FAAH2: variants seen among roughly 807,000 people sequenced by gnomAD.
FAAH2 encodes the protein fatty-acid amide hydrolase 2.
In FAAH2, 60 loss-of-function variants were observed where a neutral mutation model predicts 36.9. That is an observed-to-expected ratio of 1.63 (90% confidence interval 1.32 to 2.02). FAAH2 has a LOEUF of 2.02. Ranked by LOEUF, FAAH2 falls within the 30% of genes most tolerant of loss-of-function variation. The pLI, the probability that FAAH2 is intolerant of heterozygous loss-of-function variation, is 0.00. For synonymous variants in FAAH2, 214 were observed against 143.8 expected, an observed-to-expected ratio of 1.49 and a Z score of -3.49; for missense variants, 689 against 397.5, an observed-to-expected ratio of 1.73 and a Z score of -6.23.
chrX:57,242,432 A>G, the FAAH2 span, among the ~76,000 whole-genome samples: 1 of 111,533 alleles, frequency 9.0e-6, no homozygotes, highest in South Asian at 3.8e-4. Context: ...AAAAGAAGGA[A>G]CCCCATTTAA....
chrX:57,339,653 T>C, intron 4 of FAAH2, among the ~76,000 whole-genome samples: 1 of 111,992 alleles, frequency 8.9e-6, no homozygotes, highest in Non-Finnish European at 1.9e-5. Flanking sequence ...TAAAAATAGC[T>C]CAACATCACT....
chrX:57,407,341 C>T (rs2147325348), intron 7 of FAAH2, among the ~76,000 whole-genome samples: 1 of 112,019 alleles, frequency 8.9e-6, no homozygotes, highest in South Asian at 3.7e-4. Context: ...ACTGCAGGAG[C>T]TCACCAACCA....
intron 7 of FAAH2, among the ~76,000 whole-genome samples, chrX:57,421,366 T>G (rs2056021784): frequency 8.9e-6 from 1 of 112,054 alleles, no homozygotes; most frequent in South Asian, 3.7e-4. Flanking sequence ...ACCGGAGAGT[T>G]GCTTGAACCC....
chrX:57,274,810 G>GA, the FAAH2 span, among the ~76,000 whole-genome samples: 2 of 111,602 alleles, frequency 1.8e-5, no homozygotes, highest in African/African-American at 6.5e-5. Flanking sequence ...TACTGAATGG[G>GA]AAAAAACTGG....
At chrX:57,419,933 A>G (rs754275387) in intron 7 of FAAH2, among the ~76,000 whole-genome samples, 14 of 112,033 alleles carry the variant, frequency 1.2e-4, no homozygotes, top group African/African-American at 4.2e-4. Flanking sequence ...AGCTTTCTCC[A>G]TATGGCTAGC....
chrX:57,430,891 T>C (rs2056278979), intron 7 of FAAH2, among the ~76,000 whole-genome samples: 1 of 112,170 alleles, frequency 8.9e-6, no homozygotes, highest in African/African-American at 3.2e-5. Flanking sequence ...CTCAGTACTC[T>C]CCCAAGGTCG....
the FAAH2 span, among the ~76,000 whole-genome samples, chrX:57,215,980 A>G: frequency 7.5e-5 from 8 of 107,075 alleles, no homozygotes; most frequent in Non-Finnish European, 1.5e-4. Flanking sequence ...AGTAACAACA[A>G]CAACAATAAC....
chrX:57,463,396 T>C (rs1410897391), intron 10 of FAAH2, among the ~76,000 whole-genome samples: 2 of 111,255 alleles, frequency 1.8e-5, no homozygotes, highest in Non-Finnish European at 3.8e-5. Flanking sequence ...TCATGCTACC[T>C]GACTTTAAAC....
the FAAH2 span, among the ~76,000 whole-genome samples, chrX:57,124,936 C>G: frequency 8.9e-6 from 1 of 112,176 alleles, no homozygotes; most frequent in Non-Finnish European, 1.9e-5. Context: ...GATATACAAT[C>G]ATGTCATCTG....
chrX:57,419,708 A>C (rs1328429852), intron 7 of FAAH2, among the ~76,000 whole-genome samples: 2 of 111,538 alleles, frequency 1.8e-5, no homozygotes, highest in African/African-American at 6.5e-5. Context: ...GCTGTGCAGA[A>C]GCTCTTGAGT....
intron 10 of FAAH2, among the ~76,000 whole-genome samples, chrX:57,478,920 A>C (rs765300855): frequency 9.0e-6 from 1 of 111,408 alleles, no homozygotes; most frequent in African/African-American, 3.3e-5. Context: ...GTCAGGTAGC[A>C]TGATGCCTCC....
At chrX:57,307,970 T>C (rs1312182264) in intron 2 of FAAH2, among the ~76,000 whole-genome samples, 1 of 110,592 alleles carries the variant, frequency 9.0e-6, no homozygotes, top group Non-Finnish European at 1.9e-5. Context: ...GCAAAGGACA[T>C]GATTTCATTC....
At chrX:57,464,908 T>C (rs958463587) in intron 10 of FAAH2, among the ~76,000 whole-genome samples, 4 of 111,798 alleles carry the variant, frequency 3.6e-5, no homozygotes, top group South Asian at 3.7e-4. Flanking sequence ...AGAATCATTC[T>C]TTTATCTTGG....
chrX:57,243,360 G>A, the FAAH2 span, among the ~76,000 whole-genome samples: 1 of 112,429 alleles, frequency 8.9e-6, no homozygotes, highest in East Asian at 2.8e-4. Context: ...CAGCTCTGAA[G>A]AGAGCAGCAC....
intron 5 of FAAH2, among the ~76,000 whole-genome samples, chrX:57,344,020 A>G (rs2053756989): frequency 9.0e-6 from 1 of 110,677 alleles, no homozygotes; most frequent in Non-Finnish European, 1.9e-5. Context: ...TAGTCGTACA[A>G]TACAGTTTTA....
the FAAH2 span, among the ~76,000 whole-genome samples, chrX:57,272,658 G>T: frequency 8.9e-6 from 1 of 112,070 alleles, no homozygotes; most frequent in South Asian, 3.7e-4. Flanking sequence ...GCCAAACTAA[G>T]CTTCATAAGT....
chrX:57,216,564 ACG>A, the FAAH2 span, among the ~76,000 whole-genome samples: 434 of 29,386 alleles, frequency 0.015, 18 homozygotes, highest in Admixed American at 0.013. Flanking sequence ...ATATATATAT[ACG>A]TATATGTATA....
chrX:57,334,047 G>A (rs1391033655), intron 4 of FAAH2, among the ~76,000 whole-genome samples: 1 of 110,583 alleles, frequency 9.0e-6, no homozygotes, highest in Non-Finnish European at 1.9e-5. Flanking sequence ...AGGCAGTTGG[G>A]TCACTTGAAG....
chrX:57,166,206 A>G, the FAAH2 span, among the ~76,000 whole-genome samples: 4 of 110,140 alleles, frequency 3.6e-5, no homozygotes, highest in East Asian at 8.5e-4. Context: ...CTGGCTTTCC[A>G]TCCTTCTGCT....
Sources: allele counts gnomAD v4.1 joint callset (sites outside exome capture counted in the v4.1 genomes callset), GRCh38; gene constraint gnomAD v4.1.1; transcripts MANE v1.5; gene names NCBI Gene and HGNC (gene_info 2026-07-23, HGNC 2026-07-21).